The following AKR1B15 variants were observed in gnomAD, a reference collection of about 807,000 sequenced individuals.
AKR1B15 encodes the protein estradiol 17-beta-dehydrogenase AKR1B15.
AKR1B15 carries 49 observed loss-of-function variants against 38.5 expected under a neutral mutation model. The ratio of observed to expected loss-of-function variants is 1.27; its 90% CI spans 1.01 to 1.62. AKR1B15 has a LOEUF of 1.62. Ranked by LOEUF, AKR1B15 falls within the 40% of genes most tolerant of loss-of-function variation. The pLI, the probability that AKR1B15 is intolerant of heterozygous loss-of-function variation, is 0.00. For missense variants in AKR1B15, 411 were observed against 381.6 expected (o/e 1.08, Z -0.64); for synonymous variants, 137 against 135.5 (o/e 1.01, Z -0.08).
At chr7:134,568,050 G>A (rs1456114512) in intron 3 of AKR1B15, 108 bp from the exon 4 acceptor site, 2 of 1,361,144 alleles carry the variant, frequency 1.5e-6, no homozygotes, top group Non-Finnish European at 1.0e-6. Flanking sequence ...TCAGGAGTTG[G>A]GAGGATTGTT....
intron 2 of AKR1B15, among the ~76,000 whole-genome samples, 200 bp downstream of exon 2, chr7:134,557,059 G>A (rs963238932): frequency 1.4e-4 from 21 of 152,142 alleles, no homozygotes; most frequent in African/African-American, 4.6e-4. Flanking sequence ...ACTCTTCAAA[G>A]AGTTCGAGAA....
In AKR1B15 at chr7:134,569,499, C is replaced by T. The variant is rs755550255; in HGVS notation, c.405C>T (p.Val135=). ...ACCTGAAGCTGAGCTATCTGGACGT[C>T]TATCTTATTCACTGGCCACAGGGAT... The part of the protein sequence containing the change: ...LKDLKLSYLD[V]YLIHWPQGFK... The change falls in exon 5 of 12, where the codon GTC becomes GTT. Residue 135 remains valine (V), a synonymous_variant. Transcript: ENST00000457545. The T allele has an allele frequency of 8.7e-6, 14 of 1,613,978 alleles. No homozygotes were observed. The East Asian group carries it at 1.8e-4, about 21-fold the overall frequency.
intron 6 of AKR1B15, among the ~76,000 whole-genome samples, chr7:134,572,191 A>G (rs1284851926): frequency 1.3e-5 from 2 of 152,192 alleles, no homozygotes; most frequent in African/African-American, 4.8e-5. Context: ...TAACATCCCC[A>G]TTTATAAATA....
At chr7:134,552,068 C>T (rs1282060859) in intron 1 of AKR1B15, among the ~76,000 whole-genome samples, 1 of 152,192 alleles carries the variant, frequency 6.6e-6, no homozygotes, top group East Asian at 1.9e-4. Context: ...TAAAGGGCTA[C>T]TGGAGCTATT....
intron 2 of AKR1B15, 25 bp downstream of exon 2, chr7:134,556,884 C>T (rs1434764503): frequency 6.6e-6 from 1 of 152,134 alleles, no homozygotes; most frequent in Non-Finnish European, 1.5e-5. Flanking sequence ...AAGCAATCTC[C>T]AATCAGCCAT....
In AKR1B15 at chr7:134,560,190, C is replaced by T. The variant is rs183642971; in HGVS notation, c.-23+3331C>T. Among the ~76,000 whole-genome samples, 259 of 152,256 alleles carry T rather than the reference C, an allele frequency of 1.7e-3. 1 individual carries two copies. The highest frequency in any genetic ancestry group is 5.8e-3 in the African/African-American group (243 of 41,550). On this transcript the variant is annotated intron_variant, in intron 2 of 11. Transcript: ENST00000457545. ...AATCTATTTCCCTACTCCTTGGCCC[C>T]GTCCTGGCCTTGAGACTTGCTTTGA...
At chr7:134,556,267 G>T (rs1794192914) in intron 1 of AKR1B15, among the ~76,000 whole-genome samples, 1 of 152,086 alleles carries the variant, frequency 6.6e-6, no homozygotes, top group Non-Finnish European at 1.5e-5. Flanking sequence ...CTCCAACCCA[G>T]CCCGATGTCC....
At chr7:134,560,111 A>G (rs77761917) in intron 2 of AKR1B15, among the ~76,000 whole-genome samples, 1 of 52,032 alleles carries the variant, frequency 1.9e-5, no homozygotes, top group East Asian at 2.7e-4. Flanking sequence ...CCACCTAAGA[A>G]AAAAAAAAAA....
chr7:134,553,370 A>G (rs1794061163), intron 1 of AKR1B15, among the ~76,000 whole-genome samples: 2 of 152,036 alleles, frequency 1.3e-5, no homozygotes, highest in Admixed American at 6.5e-5. Context: ...TCTCAAAACC[A>G]TTTCACCTTT....
At chr7:134,554,436 T>C (rs1794117163) in intron 1 of AKR1B15, among the ~76,000 whole-genome samples, 1 of 152,092 alleles carries the variant, frequency 6.6e-6, no homozygotes, top group Non-Finnish European at 1.5e-5. Flanking sequence ...CCCCAAGCCC[T>C]TGGGGAAACT....
In AKR1B15 at chr7:134,579,728, A is replaced by G. The variant is rs1794842645; in HGVS notation, c.*179A>G. Reference sequence around the variant, plus strand: ...TATTTCTGTATGTTCAACTAGGATAAGAATATCACAGAAAAGCATGGCCTG... The same window carrying G: ...TATTTCTGTATGTTCAACTAGGATAGGAATATCACAGAAAAGCATGGCCTG... On this transcript the variant is annotated 3_prime_UTR_variant, in exon 12 of 12. Coordinates refer to ENST00000457545, the MANE Select transcript of AKR1B15 (RefSeq NM_001080538.3). 1.1e-5 allele frequency: 6 copies of G among 528,512 alleles called. No individual in the cohort carries two copies. The highest frequency in any genetic ancestry group is 1.9e-5 in the Non-Finnish European group (6 of 308,536). 32.7% of individuals were successfully genotyped at this position (528,512 alleles called of 1,614,324 possible). A position where few individuals can be genotyped will look rare whatever the true frequency, so the allele number is the denominator to read the frequency against.
chr7:134,555,781 T>C (rs370222544), intron 1 of AKR1B15, among the ~76,000 whole-genome samples: 2 of 152,146 alleles, frequency 1.3e-5, no homozygotes, highest in African/African-American at 4.8e-5. Flanking sequence ...CCAAACTGGA[T>C]GTGGAAGTTC....
At chr7:134,566,979 T>C (rs1369403866) in intron 3 of AKR1B15, among the ~76,000 whole-genome samples, 1 of 152,202 alleles carries the variant, frequency 6.6e-6, no homozygotes, top group Non-Finnish European at 1.5e-5. Context: ...TTCAGAATTT[T>C]GGAATTGAAT....
At chr7:134,562,588 T>C (rs1348033234) in intron 2 of AKR1B15, among the ~76,000 whole-genome samples, 3 of 152,206 alleles carry the variant, frequency 2.0e-5, no homozygotes, top group South Asian at 2.1e-4. Context: ...AGAGCACTGA[T>C]TGGTGCATTT....
At position 134,569,409 on chromosome 7, in the gene AKR1B15, G is replaced by A; in HGVS notation, c.319-4G>A. On this transcript the variant is annotated splice_region_variant and splice_polypyrimidine_tract_variant and intron_variant, in intron 4 of 11. Coordinates refer to ENST00000457545, the MANE Select transcript of AKR1B15 (RefSeq NM_001080538.3). Reference sequence around the variant, plus strand: ...TTACTAGCTCATTGCTACACTCTTTGCAGGTGTGGCCCACTTTCTTTGAGA... The same window carrying A: ...TTACTAGCTCATTGCTACACTCTTTACAGGTGTGGCCCACTTTCTTTGAGA... 2 of 1,613,958 alleles carry A rather than the reference G, an allele frequency of 1.2e-6. No individual in the cohort carries two copies. The highest frequency in any genetic ancestry group is 1.7e-6 in the Non-Finnish European group (2 of 1,179,872).
Position 134,564,727 on chromosome 7 carries a change from G to A in AKR1B15, c.108G>A (p.Lys36=), listed in dbSNP as rs1298127477. 2 of 696,476 alleles carry A rather than the reference G, an allele frequency of 2.9e-6. No homozygotes were observed. The highest frequency in any genetic ancestry group is 1.5e-5 in the South Asian group (1 of 65,940). The allele number at this position is 696,476 out of a possible 1,614,324, so 43.1% of individuals were successfully genotyped here. A position where few individuals can be genotyped will look rare whatever the true frequency, so the allele number is the denominator to read the frequency against. The change falls in exon 3 of 12, where the codon AAG becomes AAA. Residue 36 remains lysine (K), a synonymous_variant. Coordinates refer to ENST00000457545, the MANE Select transcript of AKR1B15 (RefSeq NM_001080538.3). ...CTGGCCTAAAGAGTTCCCTTCTGAA[G>A]GACACTACAAGTGCAGGGCCCCTTC... The part of the protein sequence containing the change: ...PLTGLKSSLL[K]DTTSAGPLLR...
rs375372059 is a variant in AKR1B15, at chr7:134,575,848, G to T, written c.664G>T (p.Glu222Ter). The change falls in exon 8 of 12, where the codon GAG (glutamate) becomes TAG (stop). Residue 222 changes from glutamate to a stop codon, truncating the protein, a stop_gained. Coordinates refer to ENST00000457545, the MANE Select transcript of AKR1B15 (RefSeq NM_001080538.3). LOFTEE classifies it high-confidence loss of function. ...TGAGTGTCACCCATACCTCACGCAG[G>T]AGAAACTGATCCAGTACTGCCACTC... ...QVECHPYLTQEKLIQYCHSKG... is the reference protein window; with the variant it reads ...QVECHPYLTQ 5.4e-5 allele frequency: 87 copies of T among 1,613,702 alleles called. No homozygotes were observed. Among genetic ancestry groups the T allele is most frequent in the Non-Finnish European group, 7.1e-5 (84 of 1,179,828 alleles).
intron 4 of AKR1B15, 135 bp downstream of exon 4, chr7:134,568,460 A>T: frequency 7.6e-7 from 1 of 1,314,756 alleles, no homozygotes; most frequent in Non-Finnish European, 1.1e-6. Flanking sequence ...ACATCCGTGG[A>T]TACAATACTA....
intron 6 of AKR1B15, 122 bp downstream of exon 6, chr7:134,571,803 G>A: frequency 1.2e-6 from 1 of 803,618 alleles, no homozygotes; most frequent in Non-Finnish European, 2.1e-6. Flanking sequence ...TGATTCTCTA[G>A]CTCTTCTAAT....
Sources: allele counts gnomAD v4.1 joint callset (sites outside exome capture counted in the v4.1 genomes callset), GRCh38; gene constraint gnomAD v4.1.1; transcripts MANE v1.5; gene names NCBI Gene and HGNC (gene_info 2026-07-23, HGNC 2026-07-21).